Variants in FANCA observed in about 807,000 individuals in gnomAD.
FANCA encodes Fanconi anemia group A protein.
A neutral mutation model predicts 194.3 loss-of-function variants in FANCA; 236 were observed. That is an observed-to-expected ratio of 1.21 (90% CI 1.09 to 1.35). The LOEUF (loss-of-function observed/expected upper bound fraction) is 1.35, where lower values mean the gene tolerates loss of function less well. Ranked by LOEUF, FANCA falls within the 40% of genes most tolerant of loss-of-function variation. FANCA has a pLI of 0.00. For missense variants in FANCA, 2,628 were observed against 1,813.9 expected, an observed-to-expected ratio of 1.45 and a Z score of -8.15; for synonymous variants, 1,014 against 715.8, an observed-to-expected ratio of 1.42 and a Z score of -6.65.
rs191943709 is a variant in FANCA, at chr16:89,758,617, A to G, written c.2941T>C (p.Cys981Arg). ...ATCAGTGCGTTGACAAGAATGGTAC[A>G]CGCAGCCTGCAGGTCTCCGTCACAG... The part of the protein sequence containing the change: ...GGCDGDLQAA[C>R]TILVNALMDF... Residue 981 changes from cysteine (C) to arginine (R), a missense_variant, in exon 30 of 43, where the codon TGT becomes CGT. By Grantham distance (180) the Cys-to-Arg change is radical. Transcript: ENST00000389301. 3.7e-6 allele frequency: 6 copies of G among 1,614,084 alleles called. No homozygotes were observed. The East Asian group carries it at 1.3e-4, about 36-fold the overall frequency.
At chr16:89,800,044 C>T (rs984749994) in intron 8 of FANCA, among the ~76,000 whole-genome samples, 53 of 152,168 alleles carry the variant, frequency 3.5e-4, no homozygotes, top group African/African-American at 1.2e-3. Flanking sequence ...TTTAAAAACC[C>T]TCATAGACCT....
intron 11 of FANCA, among the ~76,000 whole-genome samples, chr16:89,794,898 G>A (rs2040191869): frequency 6.6e-6 from 1 of 152,166 alleles, no homozygotes; most frequent in African/African-American, 2.4e-5. Flanking sequence ...TCACAGCAAG[G>A]CAAGGGTAGC....
rs773560865 is a variant in FANCA, at chr16:89,784,979, G to C, written c.1360-15C>G. Reference sequence around the variant, plus strand: ...CCAAAGGAGGCCTGTGTGGAGAGAAGAGCGTGAAGCCCAGGACAGCCAGGC... The same window carrying C: ...CCAAAGGAGGCCTGTGTGGAGAGAACAGCGTGAAGCCCAGGACAGCCAGGC... On this transcript the variant is annotated splice_polypyrimidine_tract_variant and intron_variant, in intron 14 of 42. Coordinates refer to ENST00000389301, the MANE Select transcript of FANCA (RefSeq NM_000135.4). 4.3e-5 allele frequency: 69 copies of C among 1,598,522 alleles called. No individual in the cohort carries two copies. Among genetic ancestry groups the C allele is most frequent in the Non-Finnish European group, 5.7e-5 (66 of 1,167,096 alleles).
At chr16:89,785,217 G>A (rs1370624608) in intron 14 of FANCA, among the ~76,000 whole-genome samples, 1 of 152,228 alleles carries the variant, frequency 6.6e-6, no homozygotes, top group East Asian at 1.9e-4. Context: ...TACATTTACA[G>A]ATGTCACGAC....
intron 18 of FANCA, 41 bp from the exon 19 acceptor site, chr16:89,779,044 C>G: frequency 6.3e-7 from 1 of 1,597,542 alleles, no homozygotes. Context: ...GTCAGAGCAG[C>G]GAGAAGGCAA....
At chr16:89,773,158 C>T in intron 22 of FANCA, 113 bp downstream of exon 22, 1 of 839,384 alleles carries the variant, frequency 1.2e-6, no homozygotes. Flanking sequence ...AACTACTGGA[C>T]TACTAGGAAG....
chr16:89,775,743 T>G lies in FANCA; in HGVS notation c.1899A>C (p.Glu633Asp), dbSNP rs768520283. ...TGGACAAGCGGCCCAGGAACTTACCTTCTGGCTTCTCTTCAGCAGCAGAGC... is the reference window on the plus strand; with the variant it reads ...TGGACAAGCGGCCCAGGAACTTACCGTCTGGCTTCTCTTCAGCAGCAGAGC... Reference protein sequence around the residue: ...QACSAAEEKPEDAALGVRAEP... With the variant: ...QACSAAEEKPDDAALGVRAEP... Residue 633 changes from glutamate (E) to aspartate (D), a missense_variant and splice_region_variant, in exon 21 of 43, where the codon GAA (glutamate) becomes GAC (aspartate). By Grantham distance (45) the Glu-to-Asp change is conservative. Transcript: ENST00000389301. 6 of 1,611,102 alleles carry G rather than the reference T, an allele frequency of 3.7e-6. No individual in the cohort carries two copies. The African/African-American group carries it at 6.7e-5, about 18-fold the overall frequency.
At chr16:89,808,474 C>A (rs554670998) in intron 5 of FANCA, 107 bp from the exon 6 acceptor site, 4 of 1,159,352 alleles carry the variant, frequency 3.5e-6, no homozygotes, top group Admixed American at 2.0e-5. Flanking sequence ...AGGTTCTTAA[C>A]CATGCCGTAT....
chr16:89,795,113 C>T (rs17226096), intron 11 of FANCA, among the ~76,000 whole-genome samples: 2,738 of 145,666 alleles, frequency 0.019, 40 homozygotes, highest in Non-Finnish European at 0.02. Context: ...GGTGAAAGCC[C>T]GTCTCTACTA....
intron 26 of FANCA, 146 bp downstream of exon 26, chr16:89,769,691 T>C (rs2039253679): frequency 1.2e-6 from 1 of 845,400 alleles, no homozygotes; most frequent in Admixed American, 2.1e-5. Context: ...CAGATAAAAT[T>C]CTGGAAGGAT....
chr16:89,780,565 A>C (rs2039664807), intron 17 of FANCA, among the ~76,000 whole-genome samples: 1 of 151,900 alleles, frequency 6.6e-6, no homozygotes. Flanking sequence ...TCATGGCTCC[A>C]GTAAGCCATC....
intron 36 of FANCA, 115 bp from the exon 37 acceptor site, chr16:89,743,053 C>T: frequency 3.2e-6 from 4 of 1,258,394 alleles, no homozygotes; most frequent in Non-Finnish European, 4.4e-6. Context: ...CATCAGAGGA[C>T]AGAGAAGGGT....
At chr16:89,807,516 G>A (rs754899442) in intron 6 of FANCA, among the ~76,000 whole-genome samples, 9 of 152,262 alleles carry the variant, frequency 5.9e-5, no homozygotes, top group African/African-American at 1.4e-4. Context: ...TTGGGAGGCC[G>A]AGGCAGGGGA....
intron 14 of FANCA, chr16:89,791,023 GTTTT>G (rs11355118): frequency 3.5e-3 from 327 of 94,274 alleles, no homozygotes; most frequent in Middle Eastern, 0.012. Flanking sequence ...GTGTGTGTGT[GTTTT>G]TTTTTTTTTT....
intron 27 of FANCA, among the ~76,000 whole-genome samples, chr16:89,766,582 G>A (rs1282925769): frequency 2.0e-5 from 3 of 151,966 alleles, no homozygotes. Flanking sequence ...GGGTATGGTG[G>A]CACGTGCCTG....
chr16:89,767,945 C>A (rs1444941879), intron 26 of FANCA, among the ~76,000 whole-genome samples: 1 of 152,158 alleles, frequency 6.6e-6, no homozygotes, highest in Non-Finnish European at 1.5e-5. Flanking sequence ...CTCAGCCACT[C>A]AAAGTGCTGG....
chr16:89,811,346 A>G (rs1039877156), intron 3 of FANCA, among the ~76,000 whole-genome samples: 1 of 152,244 alleles, frequency 6.6e-6, no homozygotes, highest in Non-Finnish European at 1.5e-5. Context: ...AAGATAAAGA[A>G]ATATATTCTG....
chr16:89,749,802 A>T lies in FANCA; in HGVS notation c.3167T>A (p.Leu1056His). The T allele has an allele frequency of 1.9e-6, 3 of 1,614,166 alleles. No homozygotes were observed. The highest frequency in any genetic ancestry group is 2.5e-6 in the Non-Finnish European group (3 of 1,180,034). ...HFLFEIFRRR[L>H]QALTSGWSVA... ...GCTCCACCCGCTTGTCAGAGCCTGG[A>T]GCCGTCTGCGGAAAATCTCAAAGAG... The change falls in exon 32 of 43, where the codon CTC (leucine) becomes CAC (histidine). Residue 1056 changes from leucine to histidine, a missense_variant. Transcript: ENST00000389301.
intron 3 of FANCA, among the ~76,000 whole-genome samples, chr16:89,811,770 G>T (rs1043085064): frequency 6.6e-6 from 1 of 151,964 alleles, no homozygotes; most frequent in Non-Finnish European, 1.5e-5. Flanking sequence ...TTACACTGCC[G>T]CCTGGACTGA....
Sources: gnomAD v4.1 joint callset for allele counts (sites outside exome capture counted in the v4.1 genomes callset) on GRCh38, gnomAD v4.1.1 for gene constraint, MANE v1.5 for transcripts, NCBI Gene and HGNC (gene_info 2026-07-23, HGNC 2026-07-21) for gene names.